Variants in DOCK8 observed in about 807,000 individuals in gnomAD.
DOCK8 encodes dedicator of cytokinesis protein 8.
DOCK8 carries 141 observed loss-of-function variants against 245.6 expected under a neutral mutation model. That is an observed-to-expected ratio of 0.57 (90% CI 0.50 to 0.66). DOCK8 has a LOEUF of 0.66. DOCK8 is among the 30% of genes least tolerant of loss of function. The pLI is 0.00. For missense variants in DOCK8, 2,965 were observed against 2,603.4 expected (o/e 1.14, Z -3.02); for synonymous variants, 1,168 against 970.2 (o/e 1.20, Z -3.79).
At chr9:422,199 C>T in intron 33 of DOCK8, 64 bp downstream of exon 33, 6 of 1,355,772 alleles carry the variant, frequency 4.4e-6, no homozygotes, top group Non-Finnish European at 6.3e-6. Context: ...TCCCAGGCTG[C>T]TTGTATTACT....
Position 332,451 on chromosome 9 carries a change from G to T in DOCK8, c.1098G>T (p.Thr366=). ...GEIGDCAEPY[T]VIKESDGGKS... ...TTGGAGACTGTGCAGAGCCCTACAC[G>T]GTTATCAAAGAAAGTGATGGTGGAA... Residue 366 remains threonine, a synonymous_variant, in exon 10 of 48, where the codon ACG becomes ACT. Transcript: ENST00000432829. The T allele has an allele frequency of 6.2e-7, 1 of 1,613,034 alleles. No individual in the cohort carries two copies. The highest frequency in any genetic ancestry group is 8.5e-7 in the Non-Finnish European group (1 of 1,179,154).
At chr9:325,015 C>T (rs575784758) in intron 7 of DOCK8, among the ~76,000 whole-genome samples, 24 of 152,282 alleles carry the variant, frequency 1.6e-4, no homozygotes, top group African/African-American at 5.1e-4. Context: ...CATTATACCA[C>T]TCTGTTTGCC....
At chr9:325,998 G>T (rs778403729) in intron 8 of DOCK8, among the ~76,000 whole-genome samples, 1 of 152,130 alleles carries the variant, frequency 6.6e-6, no homozygotes, top group African/African-American at 2.4e-5. Flanking sequence ...ATAGCGCATG[G>T]GGTTATGTAT....
intron 6 of DOCK8, chr9:312,865 C>T (rs2050186959): frequency 5.4e-6 from 1 of 184,086 alleles, no homozygotes. Flanking sequence ...GTGAGGTTAT[C>T]TACACTTCTG....
chr9:400,194 CACCAT>C (rs1265299523), intron 26 of DOCK8, among the ~76,000 whole-genome samples: 4 of 121,112 alleles, frequency 3.3e-5, no homozygotes, highest in African/African-American at 6.4e-5. Flanking sequence ...CCTTCACCAT[CACCAT>C]CACCACCACC....
chr9:400,076 TCACCACCACCTCCACCATCAC>T (rs1564011976), intron 26 of DOCK8, among the ~76,000 whole-genome samples: 4 of 21,582 alleles, frequency 1.9e-4, no homozygotes, highest in Non-Finnish European at 3.3e-4. Context: ...ACCATCACCA[TCACCACCACCTCCACCATCAC>T]CACCACCACC....
At chr9:364,684 G>T (rs1043646434) in intron 14 of DOCK8, among the ~76,000 whole-genome samples, 1 of 151,232 alleles carries the variant, frequency 6.6e-6, no homozygotes, top group African/African-American at 2.4e-5. Flanking sequence ...AAGGGAAAAG[G>T]CTAAATGGAA....
At chr9:443,585 A>G in intron 43 of DOCK8, 69 bp downstream of exon 43, 1 of 1,258,234 alleles carries the variant, frequency 7.9e-7, no homozygotes, top group South Asian at 1.2e-5. Context: ...AAGAATACCT[A>G]ATGATCTCAT....
chr9:442,226 G>A (rs574153483), intron 42 of DOCK8, among the ~76,000 whole-genome samples: 24 of 152,342 alleles, frequency 1.6e-4, no homozygotes, highest in African/African-American at 5.8e-4. Context: ...AATACTCTGT[G>A]TATGCTTTTC....
Position 441,373 on chromosome 9 carries a change from A to G in DOCK8, c.5311A>G (p.Thr1771Ala), listed in dbSNP as rs2131810089. ...AHREFRKLTLTHSKLQRAFDS... is the reference protein window; with the variant it reads ...AHREFRKLTLAHSKLQRAFDS... Reference sequence around the variant, plus strand: ...TCGAGAATTCCGGAAGCTGACACTCACTCACAGCAAGCTGCAGAGAGCCTT... The same window carrying G: ...TCGAGAATTCCGGAAGCTGACACTCGCTCACAGCAAGCTGCAGAGAGCCTT... The change falls in exon 41 of 48, where the codon ACT becomes GCT. Residue 1771 changes from threonine (T) to alanine (A), a missense_variant. Thr to Ala is a moderately conservative substitution (Grantham distance 58). Coordinates refer to ENST00000432829, the MANE Select transcript of DOCK8 (RefSeq NM_203447.4). 1.9e-6 allele frequency: 3 copies of G among 1,614,122 alleles called. No individual in the cohort carries two copies. In the East Asian group the frequency reaches 6.7e-5, roughly 36 times the overall value.
intron 4 of DOCK8, among the ~76,000 whole-genome samples, chr9:301,952 A>G (rs1462490417): frequency 1.3e-5 from 2 of 152,112 alleles, no homozygotes; most frequent in African/African-American, 4.8e-5. Context: ...TGCTATTCCT[A>G]TCTTAATTAG....
At chr9:243,236 T>A (rs1163958859) in intron 1 of DOCK8, among the ~76,000 whole-genome samples, 2 of 152,194 alleles carry the variant, frequency 1.3e-5, no homozygotes, top group Non-Finnish European at 2.9e-5. Flanking sequence ...GGAGGTGACC[T>A]TTATATGTTT....
chr9:424,870 T>A (rs961879531), intron 33 of DOCK8, among the ~76,000 whole-genome samples: 1 of 152,168 alleles, frequency 6.6e-6, no homozygotes, highest in Non-Finnish European at 1.5e-5. Context: ...AAAAACAGAT[T>A]AGGACACTCT....
upstream of DOCK8, chr9:214,841 A>G (rs2046699652): frequency 6.2e-7 from 1 of 1,601,254 alleles, no homozygotes; most frequent in South Asian, 1.1e-5. Context: ...GAAGGTGGAA[A>G]TGCGGAAGTT....
chr9:438,634 C>G (rs2056983505), intron 39 of DOCK8, among the ~76,000 whole-genome samples: 1 of 152,206 alleles, frequency 6.6e-6, no homozygotes, highest in Admixed American at 6.5e-5. Context: ...CAACCATGGT[C>G]TCTGCATGCT....
In DOCK8 at chr9:305,437, C is replaced by T. The variant is rs556400787; in HGVS notation, c.528+733C>T. Among the ~76,000 whole-genome samples the T allele has an allele frequency of 5.2e-3, 786 of 150,054 alleles. 10 individuals carry two copies. Among genetic ancestry groups the T allele is most frequent in the African/African-American group, 0.018 (722 of 39,536 alleles). ...AGCTGGGACTACAGGCTCCCGCCAC[C>T]ACGCCCAGCTAATTTCTTTTTGTAT... On this transcript the variant is annotated intron_variant, in intron 5 of 47. Transcript: ENST00000432829.
chr9:444,557 G>T (rs890058010), intron 43 of DOCK8, among the ~76,000 whole-genome samples: 13 of 152,222 alleles, frequency 8.5e-5, no homozygotes, highest in Middle Eastern at 3.4e-3. Flanking sequence ...AGTGTCCAGA[G>T]ATTTTGTTGG....
intron 14 of DOCK8, among the ~76,000 whole-genome samples, chr9:361,350 C>G (rs1446073030): frequency 1.3e-5 from 2 of 152,202 alleles, no homozygotes; most frequent in Non-Finnish European, 2.9e-5. Context: ...CATATAATAT[C>G]TTACAATCCT....
chr9:439,024 G>T (rs1240830823), intron 39 of DOCK8, among the ~76,000 whole-genome samples: 3 of 151,854 alleles, frequency 2.0e-5, no homozygotes, highest in Non-Finnish European at 4.4e-5. Flanking sequence ...TCTCCTAATG[G>T]TTAAAAAGAA....
Sources: gnomAD v4.1 joint callset for allele counts (sites outside exome capture counted in the v4.1 genomes callset) on GRCh38, gnomAD v4.1.1 for gene constraint, MANE v1.5 for transcripts, NCBI Gene and HGNC (gene_info 2026-07-23, HGNC 2026-07-21) for gene names.